The following DOK5 variants were observed in gnomAD, a reference collection of about 807,000 sequenced individuals.
DOK5 encodes downstream of tyrosine kinase 5.
A neutral mutation model predicts 43.3 loss-of-function variants in DOK5; 27 were observed. The ratio of observed to expected loss-of-function variants is 0.62; its 90% CI spans 0.46 to 0.86. DOK5 has a LOEUF of 0.86. Ranked by LOEUF, DOK5 falls within the 40% of genes least tolerant of loss-of-function variation. The pLI, the probability that DOK5 is intolerant of heterozygous loss-of-function variation, is 0.00. For synonymous variants in DOK5, 146 were observed against 140.1 expected, an observed-to-expected ratio of 1.04 and a Z score of -0.30; for missense variants, 373 against 392.9, an observed-to-expected ratio of 0.95 and a Z score of 0.43.
rs1464571960 is a variant in DOK5, at chr20:54,510,916, C to T, written c.66+34904C>T. Among the ~76,000 whole-genome samples the T allele has an allele frequency of 3.3e-5, 5 of 152,246 alleles. No homozygotes were observed. The South Asian group carries it at 6.2e-4, about 19-fold the overall frequency. ...CAGGGCTGGTTTGATCAACACTGTCCGTGGTGCTCAGCAGGACAACACAGA... is the reference window on the plus strand; with the variant it reads ...CAGGGCTGGTTTGATCAACACTGTCTGTGGTGCTCAGCAGGACAACACAGA... On this transcript the variant is annotated intron_variant, in intron 1 of 7. Coordinates refer to ENST00000262593, the MANE Select transcript of DOK5 (RefSeq NM_018431.5).
At chr20:54,572,606 G>A (rs1017880876) in intron 2 of DOK5, among the ~76,000 whole-genome samples, 8 of 152,118 alleles carry the variant, frequency 5.3e-5, no homozygotes, top group Non-Finnish European at 7.4e-5. Context: ...AGCCACTGCC[G>A]CTATTATTGT....
intron 6 of DOK5, among the ~76,000 whole-genome samples, chr20:54,634,138 A>G (rs1213012154): frequency 6.6e-6 from 1 of 152,218 alleles, no homozygotes; most frequent in East Asian, 1.9e-4. Context: ...TTCTTTTCTC[A>G]GTGACAAGCT....
intron 2 of DOK5, among the ~76,000 whole-genome samples, chr20:54,580,306 C>A (rs886803938): frequency 3.3e-5 from 5 of 152,128 alleles, no homozygotes; most frequent in Admixed American, 3.3e-4. Context: ...CTGCCATAAA[C>A]ATGGAAGTGA....
intron 1 of DOK5, among the ~76,000 whole-genome samples, chr20:54,483,113 T>A (rs1321710520): frequency 6.6e-6 from 1 of 152,220 alleles, no homozygotes; most frequent in Non-Finnish European, 1.5e-5. Flanking sequence ...CGATTAATTG[T>A]GCATAAAGTC....
chr20:54,566,300 T>A (rs1446258908), intron 2 of DOK5, among the ~76,000 whole-genome samples: 1 of 152,128 alleles, frequency 6.6e-6, no homozygotes, highest in Non-Finnish European at 1.5e-5. Flanking sequence ...TTCCCAGAGT[T>A]TGCATACATT....
intron 6 of DOK5, among the ~76,000 whole-genome samples, chr20:54,635,569 A>T (rs1247754623): frequency 1.3e-5 from 2 of 152,170 alleles, no homozygotes; most frequent in African/African-American, 4.8e-5. Flanking sequence ...TCTACCTATG[A>T]CCTGGAAGCC....
At chr20:54,499,567 CAAT>C (rs35317100) in intron 1 of DOK5, among the ~76,000 whole-genome samples, 2,057 of 152,252 alleles carry the variant, frequency 0.014, 18 homozygotes, top group Middle Eastern at 0.044. Context: ...GCTATGCAGC[CAAT>C]AATAGTGGAA....
At chr20:54,512,973 C>T (rs1600672426) in intron 1 of DOK5, among the ~76,000 whole-genome samples, 1 of 152,204 alleles carries the variant, frequency 6.6e-6, no homozygotes, top group Admixed American at 6.5e-5. Context: ...GGGCATCTCA[C>T]TGATGGCTTT....
At chr20:54,611,556 G>C (rs984950945) in intron 6 of DOK5, among the ~76,000 whole-genome samples, 2 of 151,252 alleles carry the variant, frequency 1.3e-5, no homozygotes, top group African/African-American at 4.9e-5. Flanking sequence ...GAGAGACACT[G>C]CCTAAAAATT....
chr20:54,643,321 C>A, intron 6 of DOK5, 137 bp from the exon 7 acceptor site: 2 of 1,200,840 alleles, frequency 1.7e-6, no homozygotes, highest in East Asian at 2.4e-5. Flanking sequence ...CCATGCCCAC[C>A]ACCTTCAATC....
chr20:54,496,577 C>T (rs1600662099), intron 1 of DOK5, among the ~76,000 whole-genome samples: 1 of 151,962 alleles, frequency 6.6e-6, no homozygotes, highest in African/African-American at 2.4e-5. Context: ...ACCATCCTGG[C>T]CAACACGGTG....
intron 6 of DOK5, among the ~76,000 whole-genome samples, chr20:54,613,250 C>G (rs1489295609): frequency 1.3e-5 from 2 of 151,350 alleles, no homozygotes; most frequent in Non-Finnish European, 3.0e-5. Flanking sequence ...CCATCTCTCT[C>G]TCTCTCGCCA....
chr20:54,540,688 T>C (rs1039727066), intron 1 of DOK5, among the ~76,000 whole-genome samples: 4 of 151,984 alleles, frequency 2.6e-5, no homozygotes, highest in Non-Finnish European at 4.4e-5. Context: ...GGATAATTTT[T>C]TTATTTTTCT....
chr20:54,644,521 A>T (rs1221258648), intron 7 of DOK5, among the ~76,000 whole-genome samples: 1 of 150,532 alleles, frequency 6.6e-6, no homozygotes, highest in African/African-American at 2.4e-5. Flanking sequence ...TGGCTAACAC[A>T]GTGAAACCCC....
Position 54,502,223 on chromosome 20 carries a change from G to A in DOK5, c.66+26211G>A, listed in dbSNP as rs572487792. ...ATTCTTGTAGTTTGGTATATTTAAT[G>A]CATTTACATTCATTTGTGGATCCAT... On this transcript the variant is annotated intron_variant, in intron 1 of 7. Coordinates refer to ENST00000262593, the MANE Select transcript of DOK5 (RefSeq NM_018431.5). Among the ~76,000 whole-genome samples the A allele has an allele frequency of 2.0e-5, 3 of 152,272 alleles. No individual in the cohort carries two copies. In the South Asian group the frequency reaches 6.2e-4, roughly 32 times the overall value.
At chr20:54,586,146 T>C (rs1429689754) in intron 2 of DOK5, among the ~76,000 whole-genome samples, 3 of 152,174 alleles carry the variant, frequency 2.0e-5, no homozygotes, top group African/African-American at 4.8e-5. Flanking sequence ...ATGTGGCATA[T>C]GTGTGGGGAC....
intron 7 of DOK5, among the ~76,000 whole-genome samples, chr20:54,648,506 A>G (rs551812260): frequency 6.6e-6 from 1 of 152,272 alleles, no homozygotes; most frequent in South Asian, 2.1e-4. Flanking sequence ...CAAGACCTTA[A>G]GTCTAAAAGA....
chr20:54,650,611 A>C lies in DOK5; in HGVS notation c.*132A>C. The stretch of plus-strand genomic sequence containing the variant: ...TAAAGTCCTGGCTAATTGTGTGGTC[A>C]TTGGAAAACTCTGCAATACAATAAT... On this transcript the variant is annotated 3_prime_UTR_variant, in exon 8 of 8. Transcript: ENST00000262593. 1.4e-6 allele frequency: 1 copy of C among 732,746 alleles called. No homozygotes were observed. The highest frequency in any genetic ancestry group is 2.2e-6 in the Non-Finnish European group (1 of 452,156). 45.4% of individuals were successfully genotyped at this position (732,746 alleles called of 1,614,324 possible).
At chr20:54,538,205 CTT>C (rs201764762) in intron 1 of DOK5, among the ~76,000 whole-genome samples, 45 of 141,842 alleles carry the variant, frequency 3.2e-4, no homozygotes, top group Admixed American at 2.8e-4. Flanking sequence ...TTATTATGCA[CTT>C]TTTTTTTTTT....
Sources: allele counts gnomAD v4.1 joint callset (sites outside exome capture counted in the v4.1 genomes callset), GRCh38; gene constraint gnomAD v4.1.1; transcripts MANE v1.5; gene names NCBI Gene and HGNC (gene_info 2026-07-23, HGNC 2026-07-21).